ZNF428: variants seen among roughly 807,000 people sequenced by gnomAD.
ZNF428 encodes the protein enzyme-like protein PIT13.
ZNF428 carries 5 observed loss-of-function variants against 15.6 expected under a neutral mutation model. That is an observed-to-expected ratio of 0.32 (90% CI 0.17 to 0.67). The LOEUF (loss-of-function observed/expected upper bound fraction) is 0.67. Ranked by LOEUF, ZNF428 falls within the 30% of genes least tolerant of loss-of-function variation. The pLI is 0.73. For synonymous variants in ZNF428, 97 were observed against 102.2 expected (o/e 0.95, Z 0.31); for missense variants, 237 against 256.0 (o/e 0.93, Z 0.51).
At chr19:43,617,923 G>C (rs1050393699) in intron 1 of ZNF428, among the ~76,000 whole-genome samples, 1 of 151,682 alleles carries the variant, frequency 6.6e-6, no homozygotes, top group Non-Finnish European at 1.5e-5. Context: ...GCGCAGTAGC[G>C]CGATCTCGGC....
At chr19:43,615,142 A>G (rs1465496914) in intron 1 of ZNF428, among the ~76,000 whole-genome samples, 1 of 151,838 alleles carries the variant, frequency 6.6e-6, no homozygotes. Context: ...TTTTTCCTCT[A>G]CTCTCACACT....
At position 43,607,285 on chromosome 19, in the gene ZNF428, A is replaced by G; in HGVS notation, c.*332T>C. 3.6e-6 allele frequency: 1 copy of G among 281,610 alleles called. No individual in the cohort carries two copies. The highest frequency in any genetic ancestry group is 6.6e-6 in the Non-Finnish European group (1 of 151,748). The allele number at this position is 281,610 out of a possible 1,614,324, so 17.4% of individuals were successfully genotyped here. On this transcript the variant is annotated 3_prime_UTR_variant, in exon 3 of 3. Transcript: ENST00000300811. The surrounding 1 kb of genome is among the most constrained non-coding windows in gnomAD (Gnocchi z 5.1). ...CATTATGGGGTCTGTAAGTAAATAC[A>G]TGGAAACCTCATCGAATACAAGCAC...
chr19:43,612,214 C>T lies in ZNF428; in HGVS notation c.76+2015G>A. ...CTGCGGATCCCAAGCCTCCTGCCTC[C>T]TTGAAGTCCACCAAATCAGCAACAC... On this transcript the variant is annotated intron_variant, in intron 2 of 2. Transcript: ENST00000300811. The surrounding 1 kb of genome is among the most constrained non-coding windows in gnomAD (Gnocchi z 4.2). 6.4e-7 allele frequency: 1 copy of T among 1,551,692 alleles called. No individual in the cohort carries two copies. The highest frequency in any genetic ancestry group is 1.7e-4 in the Middle Eastern group (1 of 5,992).
At position 43,607,871 on chromosome 19, in the gene ZNF428, G is replaced by T; in HGVS notation, c.313C>A (p.Pro105Thr). 1.3e-6 allele frequency: 2 copies of T among 1,557,040 alleles called. No homozygotes were observed. Among genetic ancestry groups the T allele is most frequent in the East Asian group, 4.8e-5 (2 of 41,630 alleles). Residue 105 changes from proline to threonine, a missense_variant, in exon 3 of 3, where the codon CCA becomes ACA. By Grantham distance (38) the Pro-to-Thr change is conservative (BLOSUM62 -1). Coordinates refer to ENST00000300811, the MANE Select transcript of ZNF428 (RefSeq NM_182498.4). This position sits in a 1 kb window ranked among gnomAD's most constrained non-coding sequence, Gnocchi z 5.1. The part of the protein sequence containing the change: ...LCGRSPLGEA[P>T]PGTPPCRLCC... Reference sequence around the variant, plus strand: ...AGCCGGCAGGGTGGGGTTCCCGGTGGGGCCTCCCCAAGGGGTGAGCGGCCA... The same window carrying T: ...AGCCGGCAGGGTGGGGTTCCCGGTGTGGCCTCCCCAAGGGGTGAGCGGCCA...
intron 2 of ZNF428, among the ~76,000 whole-genome samples, chr19:43,609,362 G>GAGAGAGAGAGAGAGAA (rs1404335341): frequency 6.0e-5 from 9 of 151,102 alleles, no homozygotes; most frequent in African/African-American, 1.2e-4. Flanking sequence ...TGGCCATGGA[G>GAGAGAGAGAGAGAGAA]AGAGAGAGAG....
At chr19:43,618,009 G>A (rs1357670981) in intron 1 of ZNF428, among the ~76,000 whole-genome samples, 3 of 137,728 alleles carry the variant, frequency 2.2e-5, no homozygotes, top group South Asian at 2.3e-4. Context: ...CTACAGGCGC[G>A]TGCCACCATG....
At position 43,614,333 on chromosome 19, in the gene ZNF428, C is replaced by A; in HGVS notation, c.-29G>T. The A allele has an allele frequency of 6.3e-7, 1 of 1,575,152 alleles. No homozygotes were observed. The highest frequency in any genetic ancestry group is 8.6e-7 in the Non-Finnish European group (1 of 1,161,772). ...CGGGGGAGGGGACAGGAGACAGGAG[C>A]AGAGCAGCAGCTGAGCAGCGTCCCT... On this transcript the variant is annotated 5_prime_UTR_variant, in exon 2 of 3. Transcript: ENST00000300811.
intron 1 of ZNF428, among the ~76,000 whole-genome samples, chr19:43,617,314 T>C (rs1404246950): frequency 6.6e-6 from 1 of 151,644 alleles, no homozygotes; most frequent in South Asian, 2.1e-4. Context: ...TCCCTGACAG[T>C]AGAGAACCAA....
Position 43,612,136 on chromosome 19 carries a change from G to A in ZNF428, c.76+2093C>T, listed in dbSNP as rs1461775051. The A allele has an allele frequency of 5.2e-6, 8 of 1,551,610 alleles. No homozygotes were observed. The highest frequency in any genetic ancestry group is 7.0e-6 in the Non-Finnish European group (8 of 1,146,934). ...TTGCGCCCACCATGTCTTCACCTAA[G>A]AGATCTTCAAAGCCCAGTATGTCTC... On this transcript the variant is annotated intron_variant, in intron 2 of 2. Coordinates refer to ENST00000300811, the MANE Select transcript of ZNF428 (RefSeq NM_182498.4). This position sits in a 1 kb window ranked among gnomAD's most constrained non-coding sequence, Gnocchi z 4.2.
intron 1 of ZNF428, among the ~76,000 whole-genome samples, chr19:43,616,232 G>T (rs1973370570): frequency 6.6e-6 from 1 of 152,184 alleles, no homozygotes; most frequent in Admixed American, 6.5e-5. Context: ...GAGTACTTGT[G>T]TAGCAGTGAC....
rs1236916136 is a variant in ZNF428, at chr19:43,607,622, C to T, written c.562G>A (p.Val188Met). 7 of 1,585,324 alleles carry T rather than the reference C, an allele frequency of 4.4e-6. No homozygotes were observed. The highest frequency in any genetic ancestry group is 5.2e-6 in the Non-Finnish European group (6 of 1,163,268). ...GHFMLHARGE[V>M] ...TCCCCGTATGGGGGCTCTGCCTACACCTCACCCCGGGCATGCAGCATGAAG... is the reference window on the plus strand; with the variant it reads ...TCCCCGTATGGGGGCTCTGCCTACATCTCACCCCGGGCATGCAGCATGAAG... The change falls in exon 3 of 3, where the codon GTG becomes ATG. Residue 188 changes from valine (V) to methionine (M), a missense_variant. Val to Met is a conservative substitution (Grantham distance 21). Coordinates refer to ENST00000300811, the MANE Select transcript of ZNF428 (RefSeq NM_182498.4). The surrounding 1 kb of genome is among the most constrained non-coding windows in gnomAD (Gnocchi z 5.1).
At chr19:43,611,698 C>T (rs535257243) in intron 2 of ZNF428, among the ~76,000 whole-genome samples, 8 of 152,318 alleles carry the variant, frequency 5.3e-5, no homozygotes, top group East Asian at 1.9e-4. Context: ...GTGAAGTCCT[C>T]GCTGACTCCC....
Position 43,614,854 on chromosome 19 carries a change from T to C in ZNF428, c.-130-420A>G, listed in dbSNP as rs1441575369. On this transcript the variant is annotated intron_variant, in intron 1 of 2. Transcript: ENST00000300811. ...CTCAGGTGATCCACATGCCTCAACC[T>C]CGCAAAGTGCTGGGATTATAGGCAT... Among the ~76,000 whole-genome samples, 3 of 152,132 alleles carry C rather than the reference T, an allele frequency of 2.0e-5. No individual in the cohort carries two copies. In the East Asian group the frequency reaches 5.8e-4, roughly 29 times the overall value.
chr19:43,614,267 T>G lies in ZNF428; in HGVS notation c.38A>C (p.Tyr13Ser). 6.2e-7 allele frequency: 1 copy of G among 1,613,564 alleles called. No individual in the cohort carries two copies. The highest frequency in any genetic ancestry group is 8.5e-7 in the Non-Finnish European group (1 of 1,179,624). Residue 13 changes from tyrosine (Y) to serine (S), a missense_variant, in exon 2 of 3, where the codon TAC becomes TCC. Coordinates refer to ENST00000300811, the MANE Select transcript of ZNF428 (RefSeq NM_182498.4). ...ETREPAETGG[Y>S]ASLEEDDEDL... ...TTCATCATCTTCTTCCAAGCTGGCG[T>G]AGCCCCCAGTCTCAGCTGGCTCACG... is the stretch of plus-strand genomic sequence containing the variant.
intron 1 of ZNF428, among the ~76,000 whole-genome samples, chr19:43,618,078 A>G (rs534560665): frequency 1.4e-4 from 16 of 116,318 alleles, no homozygotes; most frequent in Admixed American, 5.0e-4. Context: ...TCTGTCGCCC[A>G]GGCTGGAGTG....
chr19:43,609,359 G>GGAGAGAGAGGGAGAGGGGGA (rs1555775010), intron 2 of ZNF428, among the ~76,000 whole-genome samples: 9 of 81,762 alleles, frequency 1.1e-4, no homozygotes, highest in African/African-American at 3.3e-4. Context: ...CTGTGGCCAT[G>GGAGAGAGAGGGAGAGGGGGA]GAGAGAGAGA....
At chr19:43,617,864 TTTAA>T (rs1017160758) in intron 1 of ZNF428, among the ~76,000 whole-genome samples, 6 of 151,862 alleles carry the variant, frequency 4.0e-5, no homozygotes, top group African/African-American at 9.7e-5. Flanking sequence ...TATTTATTTA[TTTAA>T]TTTTCTTTTT....
At chr19:43,613,849 C>A (rs1205499903) in intron 2 of ZNF428, 5 of 1,551,400 alleles carry the variant, frequency 3.2e-6, no homozygotes, top group South Asian at 2.4e-5. Context: ...GAAGCCCCAG[C>A]AAGGAGAGAG....
At chr19:43,619,415 A>AG (rs1973412464) in intron 1 of ZNF428, 143 bp downstream of exon 1, 1 of 152,268 alleles carries the variant, frequency 6.6e-6, no homozygotes, top group Non-Finnish European at 1.5e-5. Flanking sequence ...ACAAACGCGT[A>AG]GGGGGAGAAA....
Sources: gnomAD v4.1 joint callset for allele counts (sites outside exome capture counted in the v4.1 genomes callset) on GRCh38, gnomAD v4.1.1 for gene constraint, Gnocchi (gnomAD v3.1) non-coding constraint, MANE v1.5 for transcripts, NCBI Gene and HGNC (gene_info 2026-07-23, HGNC 2026-07-21) for gene names.